The following CLIP1 variants were observed in gnomAD, a reference collection of about 807,000 sequenced individuals.
The protein encoded by CLIP1 is CAP-Gly domain-containing linker protein 1.
In CLIP1, 66 loss-of-function variants were observed where a neutral mutation model predicts 161.6. That is an observed-to-expected ratio of 0.41 (90% confidence interval 0.33 to 0.50). The LOEUF (loss-of-function observed/expected upper bound fraction) is 0.50, where lower values mean the gene tolerates loss of function less well. CLIP1 is among the 20% of genes least tolerant of loss of function. CLIP1 has a pLI of 0.27. For synonymous variants in CLIP1, 598 were observed against 626.2 expected (o/e 0.96, Z 0.67); for missense variants, 1,376 against 1,702.0 (o/e 0.81, Z 3.37).
At chr12:122,389,588 G>A (rs1466695907) in intron 1 of CLIP1, among the ~76,000 whole-genome samples, 18 of 151,610 alleles carry the variant, frequency 1.2e-4, no homozygotes, top group African/African-American at 3.4e-4. Flanking sequence ...GCGAAACCCC[G>A]TCTCTACTAA....
intron 1 of CLIP1, among the ~76,000 whole-genome samples, chr12:122,406,282 C>A (rs1956325684): frequency 6.6e-6 from 1 of 152,022 alleles, no homozygotes; most frequent in South Asian, 2.1e-4. Flanking sequence ...CCTGTCTCTG[C>A]AAAAAATACA....
At chr12:122,374,279 G>A (rs1462098783) in intron 3 of CLIP1, among the ~76,000 whole-genome samples, 1 of 147,370 alleles carries the variant, frequency 6.8e-6, no homozygotes. Flanking sequence ...AGACCATCCT[G>A]GCTAACACAG....
chr12:122,361,042 T>C lies in CLIP1; in HGVS notation c.922A>G (p.Lys308Glu). 6.2e-7 allele frequency: 1 copy of C among 1,614,250 alleles called. No homozygotes were observed. Among genetic ancestry groups the C allele is most frequent in the Non-Finnish European group, 8.5e-7 (1 of 1,180,054 alleles). Reference protein sequence around the residue: ...RVMATTSASLKRSPSASSLSS... With the variant: ...RVMATTSASLERSPSASSLSS... ...AGGGAAGAGGCAGAAGGGCTGCGCTTCAGGCTGGCGGACGTGGTCGCCATC... is the reference window on the plus strand; with the variant it reads ...AGGGAAGAGGCAGAAGGGCTGCGCTCCAGGCTGGCGGACGTGGTCGCCATC... Residue 308 changes from lysine to glutamate, a missense_variant, in exon 5 of 26, where the codon AAG becomes GAG. Transcript: ENST00000620786.
chr12:122,419,524 C>T (rs1351270082), intron 1 of CLIP1, among the ~76,000 whole-genome samples: 1 of 152,022 alleles, frequency 6.6e-6, no homozygotes, highest in Non-Finnish European at 1.5e-5. Flanking sequence ...TAACGAAGAA[C>T]CAGGTGCCCA....
intron 19 of CLIP1, among the ~76,000 whole-genome samples, chr12:122,313,826 G>C (rs1034164110): frequency 6.6e-6 from 1 of 152,134 alleles, no homozygotes; most frequent in Non-Finnish European, 1.5e-5. Flanking sequence ...GAACATTAAA[G>C]GTGATCTCAC....
At chr12:122,317,701 T>C (rs1031341801) in intron 18 of CLIP1, among the ~76,000 whole-genome samples, 4 of 152,232 alleles carry the variant, frequency 2.6e-5, no homozygotes, top group African/African-American at 9.6e-5. Context: ...AGCTATCTCC[T>C]TTTGCCATGC....
chr12:122,296,878 A>AC (rs1950490719), intron 20 of CLIP1, among the ~76,000 whole-genome samples: 1 of 151,648 alleles, frequency 6.6e-6, no homozygotes, highest in Non-Finnish European at 1.5e-5. Context: ...AAAAAAAAAA[A>AC]AAAAACATGC....
At chr12:122,337,009 C>A (rs1052442757) in intron 11 of CLIP1, among the ~76,000 whole-genome samples, 1 of 150,884 alleles carries the variant, frequency 6.6e-6, no homozygotes, top group African/African-American at 2.4e-5. Context: ...TCCCCTGTCA[C>A]CCAGGCTAGA....
At chr12:122,422,733 G>A (rs1196958891), upstream of CLIP1, 37 of 138,898 alleles carry the variant, frequency 2.7e-4, no homozygotes, top group Non-Finnish European at 5.1e-4. Context: ...CGGCCGGCCC[G>A]GCCGGCCCGG....
At chr12:122,291,015 C>T (rs1464599363) in intron 20 of CLIP1, among the ~76,000 whole-genome samples, 3 of 151,788 alleles carry the variant, frequency 2.0e-5, no homozygotes, top group Non-Finnish European at 4.4e-5. Flanking sequence ...GCCTCAGCCT[C>T]CTAAGTAGCT....
At chr12:122,274,263 T>C (rs2136187060) in intron 24 of CLIP1, 101 bp from the exon 25 acceptor site, 8 of 996,120 alleles carry the variant, frequency 8.0e-6, no homozygotes, top group East Asian at 2.6e-5. Context: ...GGCGGCAAAG[T>C]GTGCAGAAGG....
intron 21 of CLIP1, chr12:122,280,796 A>G (rs1358747579): frequency 6.6e-6 from 1 of 152,290 alleles, no homozygotes; most frequent in Non-Finnish European, 1.5e-5. Flanking sequence ...TAGGAAAAAC[A>G]AAACTGGAGA....
rs570456666 is a variant in CLIP1 at position 122,404,534 on chromosome 12, A to C, written c.-107+17987T>G. Among the ~76,000 whole-genome samples, 6 of 152,146 alleles carry C rather than the reference A, an allele frequency of 3.9e-5. No homozygotes were observed. The East Asian group carries it at 1.2e-3, about 29-fold the overall frequency. ...GAATCGCTTGAACCCGGGGAGGTGG[A>C]GGTTGCAGTGAGCCAAGATTGCGCC... is the stretch of plus-strand genomic sequence containing the variant. On this transcript the variant is annotated intron_variant, in intron 1 of 25. Coordinates refer to ENST00000620786, the MANE Select transcript of CLIP1 (RefSeq NM_001247997.2).
chr12:122,298,929 T>A (rs1276427661), intron 20 of CLIP1, among the ~76,000 whole-genome samples: 3 of 152,146 alleles, frequency 2.0e-5, no homozygotes, highest in Non-Finnish European at 2.9e-5. Flanking sequence ...CACTCCAGCC[T>A]GGCAACAGGG....
At chr12:122,329,654 T>TTAAA (rs147323453) in intron 15 of CLIP1, among the ~76,000 whole-genome samples, 103 of 150,680 alleles carry the variant, frequency 6.8e-4, no homozygotes, top group Middle Eastern at 3.4e-3. Context: ...ATTAATTAAC[T>TTAAA]TAAATAAATA....
Position 122,377,062 on chromosome 12 carries a change from T to C in CLIP1, c.657+327A>G, listed in dbSNP as rs1465080480. Among the ~76,000 whole-genome samples the C allele has an allele frequency of 2.0e-5, 3 of 148,786 alleles. 1 individual carries two copies. The Admixed American group carries it at 2.1e-4, about 10-fold the overall frequency. Reference sequence around the variant, plus strand: ...TCTCACTCTCTCGCCCAGGCTGGAGTGTAGTGGCGCAATCTCGGCTCACTG... The same window carrying C: ...TCTCACTCTCTCGCCCAGGCTGGAGCGTAGTGGCGCAATCTCGGCTCACTG... On this transcript the variant is annotated intron_variant, in intron 3 of 25. Transcript: ENST00000620786.
In CLIP1 at chr12:122,311,846, A is replaced by T. The variant is rs371836570; in HGVS notation, c.3474-1964T>A. Among the ~76,000 whole-genome samples, 3 of 152,238 alleles carry T rather than the reference A, an allele frequency of 2.0e-5. No individual in the cohort carries two copies. The East Asian group carries it at 5.8e-4, about 29-fold the overall frequency. ...AAGACTGAAGCTCCGGGAAGTAAAC[A>T]GATTTGCCCCAAATCATAAAGCCAG... On this transcript the variant is annotated intron_variant, in intron 19 of 25. Transcript: ENST00000620786. This position sits in a 1 kb window ranked among gnomAD's most constrained non-coding sequence, Gnocchi z 4.3.
intron 21 of CLIP1, among the ~76,000 whole-genome samples, chr12:122,287,797 T>C (rs1955917183): frequency 2.0e-5 from 3 of 152,194 alleles, no homozygotes; most frequent in Admixed American, 2.0e-4. Flanking sequence ...ACACTTAAAA[T>C]CACATTACCC....
intron 9 of CLIP1, among the ~76,000 whole-genome samples, chr12:122,350,686 C>CA (rs1377097902): frequency 6.6e-6 from 1 of 150,856 alleles, no homozygotes; most frequent in Non-Finnish European, 1.5e-5. Context: ...TCATGGGAAG[C>CA]AAAATTAGAC....
Sources: allele counts gnomAD v4.1 joint callset (sites outside exome capture counted in the v4.1 genomes callset), GRCh38; gene constraint gnomAD v4.1.1; non-coding constraint Gnocchi (gnomAD v3.1); transcripts MANE v1.5; gene names NCBI Gene and HGNC (gene_info 2026-07-23, HGNC 2026-07-21).